Variants in SLC38A11 observed in about 807,000 individuals in gnomAD.
SLC38A11 encodes putative sodium-coupled neutral amino acid transporter 11.
Under a neutral mutation model 49.4 loss-of-function variants are expected in SLC38A11, and 51 were observed. The observed-to-expected ratio is 1.03, with a 90% CI of 0.83 to 1.30. The LOEUF is 1.30. Among genes scored for constraint, SLC38A11 ranks in the 50% most tolerant of loss-of-function variants. The pLI is 0.00. For missense variants in SLC38A11, 574 were observed against 556.2 expected (o/e 1.03, Z -0.32); for synonymous variants, 203 against 192.9 (o/e 1.05, Z -0.43).
At chr2:164,933,255 A>T (rs1687132927) in intron 7 of SLC38A11, among the ~76,000 whole-genome samples, 1 of 151,038 alleles carries the variant, frequency 6.6e-6, no homozygotes, top group Non-Finnish European at 1.5e-5. Flanking sequence ...GTTTTTTTTT[A>T]ACAGTGATAA....
At chr2:164,934,387 A>G (rs554688632) in intron 7 of SLC38A11, among the ~76,000 whole-genome samples, 2 of 152,298 alleles carry the variant, frequency 1.3e-5, no homozygotes, top group East Asian at 3.9e-4. Context: ...CATTATTTTA[A>G]TCTCTTTAAA....
chr2:164,953,351 A>G (rs1688648528), intron 2 of SLC38A11: 1 of 152,276 alleles, frequency 6.6e-6, no homozygotes, highest in Non-Finnish European at 1.5e-5. Context: ...TAGATTATGG[A>G]CAATAAAATA....
chr2:164,927,618 A>T (rs1371637213), intron 7 of SLC38A11, among the ~76,000 whole-genome samples: 1 of 152,054 alleles, frequency 6.6e-6, no homozygotes, highest in African/African-American at 2.4e-5. Flanking sequence ...TCTGCATCAC[A>T]CACATTTCTG....
intron 6 of SLC38A11, among the ~76,000 whole-genome samples, chr2:164,939,157 A>G (rs1462967532): frequency 6.6e-6 from 1 of 152,114 alleles, no homozygotes. Flanking sequence ...AATAAATTAG[A>G]TTTGCTTTAA....
chr2:164,952,701 T>C lies in SLC38A11; in HGVS notation c.229+6A>G, dbSNP rs1341098497. ...TGCAGAAATAAGAAATTATATAGTATTTTACCTGTAACATATGAAACCCAG... is the reference window on the plus strand; with the variant it reads ...TGCAGAAATAAGAAATTATATAGTACTTTACCTGTAACATATGAAACCCAG... On this transcript the variant is annotated splice_donor_region_variant and intron_variant, in intron 3 of 11. Coordinates refer to ENST00000685975, the MANE Select transcript of SLC38A11 (RefSeq NM_001351537.2). 1.3e-6 allele frequency: 2 copies of C among 1,594,150 alleles called. No individual in the cohort carries two copies. Among genetic ancestry groups the C allele is most frequent in the Non-Finnish European group, 1.7e-6 (2 of 1,162,720 alleles).
chr2:164,954,676 C>G lies in SLC38A11; in HGVS notation c.109G>C (p.Ala37Pro). 4 of 1,542,546 alleles carry G rather than the reference C, an allele frequency of 2.6e-6. No homozygotes were observed. Among genetic ancestry groups the G allele is most frequent in the Non-Finnish European group, 3.5e-6 (4 of 1,142,178 alleles). ...ATCGAGTTGACAACATTAAAAAGAG[C>G]AGCAGACTGACAGGTTTTCTCTTTA... is the stretch of plus-strand genomic sequence containing the variant. ...EYKEKTCQSA[A>P]LFNVVNSIIG... is the part of the protein sequence containing the mutation. Residue 37 changes from alanine to proline, a missense_variant, in exon 2 of 12, where the codon GCT becomes CCT. Physicochemically the swap from Ala to Pro is conservative, Grantham distance 27 (BLOSUM62 -1). Coordinates refer to ENST00000685975, the MANE Select transcript of SLC38A11 (RefSeq NM_001351537.2).
intron 7 of SLC38A11, among the ~76,000 whole-genome samples, chr2:164,925,377 G>A (rs1686500472): frequency 6.6e-6 from 1 of 152,170 alleles, no homozygotes; most frequent in African/African-American, 2.4e-5. Flanking sequence ...AATATCATGT[G>A]AATTTAAACT....
At chr2:164,929,540 T>G (rs7570927) in intron 7 of SLC38A11, among the ~76,000 whole-genome samples, 10,476 of 152,168 alleles carry the variant, frequency 0.069, 397 homozygotes, top group Admixed American at 0.1. Context: ...AGGTTGAGAT[T>G]GCTGCTACCA....
rs762682356 is a variant in SLC38A11 at position 164,911,681 on chromosome 2, G to A, written c.918C>T (p.Val306=). The A allele has an allele frequency of 2.5e-6, 4 of 1,607,088 alleles. No individual in the cohort carries two copies. Among genetic ancestry groups the A allele is most frequent in the Non-Finnish European group, 3.4e-6 (4 of 1,176,502 alleles). ...LVTFGRFCYG[V]TVILTYPMEC... ...CCATAGGGTATGTCAAAATGACAGT[G>A]ACACCATAACAAAATCTTCCAAATG... Residue 306 remains valine, a synonymous_variant, in exon 10 of 12, where the codon GTC becomes GTT. Coordinates refer to ENST00000685975, the MANE Select transcript of SLC38A11 (RefSeq NM_001351537.2).
chr2:164,938,732 C>T (rs1687543233), intron 6 of SLC38A11, among the ~76,000 whole-genome samples: 2 of 152,182 alleles, frequency 1.3e-5, no homozygotes, highest in South Asian at 2.1e-4. Flanking sequence ...TTCAGCCAAA[C>T]GTTGGATTTT....
intron 7 of SLC38A11, among the ~76,000 whole-genome samples, chr2:164,918,690 C>T (rs2061029): frequency 0.79 from 120,507 of 152,168 alleles, 47,946 homozygotes; most frequent in East Asian, 1. Context: ...TTGTACACAA[C>T]ATAATTACAC....
intron 7 of SLC38A11, among the ~76,000 whole-genome samples, chr2:164,918,108 G>A (rs2105467250): frequency 6.6e-6 from 1 of 151,532 alleles, no homozygotes; most frequent in South Asian, 2.1e-4. Context: ...AGAGAAGAAA[G>A]TTCTCGGGTA....
chr2:164,911,431 A>T (rs1685392454), intron 10 of SLC38A11, among the ~76,000 whole-genome samples: 2 of 152,094 alleles, frequency 1.3e-5, no homozygotes, highest in Non-Finnish European at 2.9e-5. Context: ...TTCAAACCGA[A>T]CTTTTGAAAA....
chr2:164,952,974 T>C, intron 2 of SLC38A11, 193 bp from the exon 3 acceptor site: 1 of 518,170 alleles, frequency 1.9e-6, no homozygotes. Flanking sequence ...TAAAATGTTA[T>C]TAGCTTAGGG....
chr2:164,908,649 T>C lies in SLC38A11; in HGVS notation c.1086A>G (p.Leu362=), dbSNP rs780097119. The C allele has an allele frequency of 1.3e-6, 2 of 1,593,456 alleles. No homozygotes were observed. Residue 362 remains leucine (L), a synonymous_variant, in exon 11 of 12, where the codon CTA becomes CTG. Transcript: ENST00000685975. ...SLLIDCLGIV[L]ELNGVLCATP... Reference sequence around the variant, plus strand: ...CTTTGCACGTACTCACATTGAGTTCTAGAACTATCCCGAGGCAATCAATCA... The same window carrying C: ...CTTTGCACGTACTCACATTGAGTTCCAGAACTATCCCGAGGCAATCAATCA...
chr2:164,927,090 G>A lies in SLC38A11; in HGVS notation c.617+10260C>T, dbSNP rs543409926. 2.6e-5 allele frequency among the ~76,000 whole-genome samples: 4 copies of A among 152,256 alleles called. No homozygotes were observed. In the South Asian group the frequency reaches 8.3e-4, roughly 32 times the overall value. On this transcript the variant is annotated intron_variant, in intron 7 of 11. Transcript: ENST00000685975. ...GGCAGAGCCCTTATAGATGAGATTAGCACCCTTATAAAAGTGCTTGAGGAA... is the reference window on the plus strand; with the variant it reads ...GGCAGAGCCCTTATAGATGAGATTAACACCCTTATAAAAGTGCTTGAGGAA...
At position 164,914,099 on chromosome 2, in the gene SLC38A11, A is replaced by C. The variant is rs1010895581; in HGVS notation, c.850+1013T>G. ...AGAAAGAGGATGGAAAGAAAACTGA[A>C]CTTAAGAGTCAGAAGACTTGTTTTC... is the stretch of plus-strand genomic sequence containing the variant. On this transcript the variant is annotated intron_variant, in intron 9 of 11. Transcript: ENST00000685975. Among the ~76,000 whole-genome samples, 3 of 152,006 alleles carry C rather than the reference A, an allele frequency of 2.0e-5. No homozygotes were observed. In the Admixed American group the frequency reaches 2.0e-4, roughly 10 times the overall value.
In SLC38A11 at chr2:164,894,793, CAA is replaced by C; in HGVS notation, c.*3642_*3643del. Among the ~76,000 whole-genome samples the C allele has an allele frequency of 6.6e-6, 1 of 152,214 alleles. No homozygotes were observed. Among genetic ancestry groups the C allele is most frequent in the Middle Eastern group, 3.4e-3 (1 of 294 alleles). On this transcript the variant is annotated 3_prime_UTR_variant, in exon 12 of 12. Transcript: ENST00000685975. ...CTCACTGTGTCTCTAGATGATTTTTCAAAGAGGCAAAGGATAACACATTTAAT... is the reference window on the plus strand; with the variant it reads ...CTCACTGTGTCTCTAGATGATTTTTCAGAGGCAAAGGATAACACATTTAAT...
At chr2:164,914,302 A>G (rs1685611669) in intron 9 of SLC38A11, among the ~76,000 whole-genome samples, 1 of 151,938 alleles carries the variant, frequency 6.6e-6, no homozygotes, top group Non-Finnish European at 1.5e-5. Flanking sequence ...CCTGACTACT[A>G]CACTACACTG....
Sources: allele counts gnomAD v4.1 joint callset (sites outside exome capture counted in the v4.1 genomes callset), GRCh38; gene constraint gnomAD v4.1.1; transcripts MANE v1.5; gene names NCBI Gene and HGNC (gene_info 2026-07-23, HGNC 2026-07-21).